The following CRIM1 variants were observed in gnomAD, a reference collection of about 807,000 sequenced individuals.
The protein encoded by CRIM1 is cysteine-rich motor neuron 1 protein.
Under a neutral mutation model 116.4 loss-of-function variants are expected in CRIM1, and 32 were observed. The ratio of observed to expected loss-of-function variants is 0.27; its 90% CI spans 0.21 to 0.37. The LOEUF is 0.37. Ranked by LOEUF, CRIM1 falls within the 10% of genes least tolerant of loss-of-function variation. CRIM1 has a pLI of 1.00. For missense variants in CRIM1, 1,331 were observed against 1,354.8 expected, an observed-to-expected ratio of 0.98 and a Z score of 0.28; for synonymous variants, 590 against 509.2, an observed-to-expected ratio of 1.16 and a Z score of -2.13.
intron 1 of CRIM1, 71 bp from the exon 2 acceptor site, chr2:36,396,543 G>A (rs774957159): frequency 2.1e-5 from 22 of 1,027,526 alleles, no homozygotes; most frequent in Middle Eastern, 2.2e-4. Flanking sequence ...ATCCCAGTGC[G>A]TTTTTGCCCG....
chr2:36,458,510 A>G (rs1202626495), intron 4 of CRIM1, among the ~76,000 whole-genome samples: 1 of 152,136 alleles, frequency 6.6e-6, no homozygotes, highest in African/African-American at 2.4e-5. Context: ...AGACAACAGC[A>G]TCTAGCATGT....
chr2:36,466,424 G>C (rs970626640), intron 5 of CRIM1, among the ~76,000 whole-genome samples: 3 of 152,166 alleles, frequency 2.0e-5, no homozygotes, highest in African/African-American at 7.2e-5. Context: ...AAATGGCCAA[G>C]CAGACCTTTT....
chr2:36,486,434 C>G (rs578056606), intron 7 of CRIM1, among the ~76,000 whole-genome samples: 4 of 152,166 alleles, frequency 2.6e-5, no homozygotes, highest in African/African-American at 9.6e-5. Context: ...TCATACTGAA[C>G]CAAGTTTTAC....
rs1183162352 is a variant in CRIM1 at position 36,357,312 on chromosome 2, G to T, written c.331+689G>T. On this transcript the variant is annotated intron_variant, in intron 1 of 16. Transcript: ENST00000280527. ...AGGGGGGTGGGGGTTGCACCTGGGA[G>T]TAAAAAGTTGTTGCTATTAGTGGCT... 2.6e-5 allele frequency among the ~76,000 whole-genome samples: 4 copies of T among 152,186 alleles called. No homozygotes were observed. In the East Asian group the frequency reaches 7.7e-4, roughly 29 times the overall value.
At chr2:36,399,314 G>A (rs1672254457) in intron 2 of CRIM1, among the ~76,000 whole-genome samples, 1 of 152,200 alleles carries the variant, frequency 6.6e-6, no homozygotes, top group African/African-American at 2.4e-5. Context: ...ATGCAAACTG[G>A]ATTAGCAGAG....
intron 13 of CRIM1, among the ~76,000 whole-genome samples, chr2:36,530,345 C>T (rs1421708076): frequency 2.6e-5 from 4 of 152,148 alleles, no homozygotes; most frequent in Admixed American, 1.3e-4. Context: ...CAGATCCCTG[C>T]ATCATTACAA....
intron 2 of CRIM1, among the ~76,000 whole-genome samples, chr2:36,434,160 A>G (rs1675110808): frequency 6.6e-6 from 1 of 152,246 alleles, no homozygotes; most frequent in Non-Finnish European, 1.5e-5. Context: ...TAGGGATGAC[A>G]TACGTATTAC....
chr2:36,495,968 G>A (rs1680562571), intron 7 of CRIM1, among the ~76,000 whole-genome samples: 1 of 152,096 alleles, frequency 6.6e-6, no homozygotes, highest in Non-Finnish European at 1.5e-5. Flanking sequence ...TCACATGATA[G>A]GAAACCAAGC....
chr2:36,520,681 C>T (rs540038397), intron 12 of CRIM1, among the ~76,000 whole-genome samples: 8 of 152,176 alleles, frequency 5.3e-5, no homozygotes, highest in Non-Finnish European at 1.2e-4. Flanking sequence ...TGGGCCAATC[C>T]CATTATGCTG....
intron 7 of CRIM1, among the ~76,000 whole-genome samples, chr2:36,491,888 A>C (rs1006255462): frequency 6.6e-6 from 1 of 152,218 alleles, no homozygotes; most frequent in Admixed American, 6.5e-5. Context: ...CATTAGCAAT[A>C]AAAAGAATAA....
intron 4 of CRIM1, among the ~76,000 whole-genome samples, chr2:36,451,942 A>G (rs2124971276): frequency 6.6e-6 from 1 of 152,000 alleles, no homozygotes; most frequent in South Asian, 2.1e-4. Context: ...GCTTTTTACC[A>G]TTGTGCTAGG....
At chr2:36,399,208 A>G in intron 2 of CRIM1, among the ~76,000 whole-genome samples, 1 of 152,258 alleles carries the variant, frequency 6.6e-6, no homozygotes, top group East Asian at 1.9e-4. Context: ...TAAGCCGGGT[A>G]ATATGAGCAA....
At chr2:36,508,227 A>G (rs566195705) in intron 8 of CRIM1, among the ~76,000 whole-genome samples, 1 of 152,354 alleles carries the variant, frequency 6.6e-6, no homozygotes, top group Non-Finnish European at 1.5e-5. Context: ...TATGTGTAAT[A>G]AAAGGTTTAT....
chr2:36,406,883 A>C (rs1158246219), intron 2 of CRIM1, among the ~76,000 whole-genome samples: 1 of 152,188 alleles, frequency 6.6e-6, no homozygotes, highest in Non-Finnish European at 1.5e-5. Flanking sequence ...ATTTGTTTAA[A>C]AAGTTTATTT....
chr2:36,410,144 A>C (rs749285386), intron 2 of CRIM1, among the ~76,000 whole-genome samples: 1 of 152,222 alleles, frequency 6.6e-6, no homozygotes, highest in Non-Finnish European at 1.5e-5. Flanking sequence ...AACATGAATT[A>C]ATGTCTGTGT....
intron 14 of CRIM1, among the ~76,000 whole-genome samples, chr2:36,539,662 T>C (rs1666807345): frequency 6.6e-6 from 1 of 151,606 alleles, no homozygotes; most frequent in African/African-American, 2.4e-5. Context: ...GTGGTAGCCG[T>C]GGAGGTGGGG....
intron 15 of CRIM1, among the ~76,000 whole-genome samples, chr2:36,546,307 T>G (rs957060961): frequency 5.9e-5 from 9 of 152,312 alleles, no homozygotes; most frequent in South Asian, 2.1e-4. Context: ...GTAAGAGAGA[T>G]ATTTTAAAAG....
chr2:36,547,007 T>C lies in CRIM1; in HGVS notation c.2770T>C (p.Tyr924His). 1 of 1,610,310 alleles carries C rather than the reference T, an allele frequency of 6.2e-7. No individual in the cohort carries two copies. Among genetic ancestry groups the C allele is most frequent in the Non-Finnish European group, 8.5e-7 (1 of 1,177,634 alleles). The change falls in exon 16 of 17, where the codon TAC becomes CAC. Residue 924 changes from tyrosine (Y) to histidine (H), a missense_variant. Physicochemically the swap from Tyr to His is moderately conservative, Grantham distance 83. Coordinates refer to ENST00000280527, the MANE Select transcript of CRIM1 (RefSeq NM_016441.3). ...AGATATGGGTCACCTCCAGGTAGAT[T>C]ACAGAGATAACAGGCTGCACCCAAG... ...PRDMGHLQVDYRDNRLHPSED... is the reference protein window; with the variant it reads ...PRDMGHLQVDHRDNRLHPSED...
chr2:36,487,809 C>G (rs768106925), intron 7 of CRIM1, among the ~76,000 whole-genome samples: 1 of 152,030 alleles, frequency 6.6e-6, no homozygotes, highest in Non-Finnish European at 1.5e-5. Flanking sequence ...TAAAAAAAAT[C>G]AATTCACCTA....
Sources: allele counts gnomAD v4.1 joint callset (sites outside exome capture counted in the v4.1 genomes callset), GRCh38; gene constraint gnomAD v4.1.1; transcripts MANE v1.5; gene names NCBI Gene and HGNC (gene_info 2026-07-23, HGNC 2026-07-21).